Variants in ADAMTS4 observed in about 807,000 individuals in gnomAD.
The protein encoded by ADAMTS4 is ADAM metallopeptidase with thrombospondin type 1 motif 4, also known as A disintegrin and metalloproteinase with thrombospondin motifs 4.
Under a neutral mutation model 66.7 loss-of-function variants are expected in ADAMTS4, and 38 were observed. The observed-to-expected ratio is 0.57, with a 90% CI of 0.44 to 0.75. ADAMTS4 has a LOEUF of 0.75. Among genes scored for constraint, ADAMTS4 ranks in the 30% least tolerant of loss-of-function variants. ADAMTS4 has a pLI of 0.00. For missense variants in ADAMTS4, 1,014 were observed against 1,116.7 expected, an observed-to-expected ratio of 0.91 and a Z score of 1.31; for synonymous variants, 418 against 461.5, an observed-to-expected ratio of 0.91 and a Z score of 1.21.
In ADAMTS4 at chr1:161,191,376, A is replaced by C; in HGVS notation, c.2276T>G (p.Leu759Trp). 6.2e-7 allele frequency: 1 copy of C among 1,614,034 alleles called. No homozygotes were observed. The highest frequency in any genetic ancestry group is 1.3e-5 in the African/African-American group (1 of 75,076). Residue 759 changes from leucine to tryptophan, a missense_variant, in exon 9 of 9, where the codon TTG becomes TGG. Leu to Trp is a moderately conservative substitution (Grantham distance 61). Coordinates refer to ENST00000367996, the MANE Select transcript of ADAMTS4 (RefSeq NM_005099.6). ...GGCTGCAGTGGCCCCGCTGTAGCGC[A>C]AGCTGACTGCCCCAGGCAGTACCAC... ...TDVVLPGAVS[L>W]RYSGATAASE... is the part of the protein sequence containing the mutation.
At chr1:161,191,984 G>C in intron 8 of ADAMTS4, 81 bp downstream of exon 8, 1 of 1,484,834 alleles carries the variant, frequency 6.7e-7, no homozygotes, top group Non-Finnish European at 9.3e-7. Flanking sequence ...TTTGAGAGTG[G>C]AAACAGTGCT....
Position 161,191,411 on chromosome 1 carries a change from G to T in ADAMTS4, c.2241C>A (p.Ser747=). 6.2e-7 allele frequency: 1 copy of T among 1,614,132 alleles called. No homozygotes were observed. Among genetic ancestry groups the T allele is most frequent in the Middle Eastern group, 1.6e-4 (1 of 6,062 alleles). ...ALNGEYTLMP[S]PTDVVLPGAV... ...CCCCAGGCAGTACCACATCTGTGGG[G>T]GAGGGCATCAGCGTGTATTCACCAT... Residue 747 remains serine (S), a synonymous_variant, in exon 9 of 9, where the codon TCC becomes TCA. Coordinates refer to ENST00000367996, the MANE Select transcript of ADAMTS4 (RefSeq NM_005099.6).
At chr1:161,192,381 C>A in intron 7 of ADAMTS4, 141 bp from the exon 8 acceptor site, 1 of 662,202 alleles carries the variant, frequency 1.5e-6, no homozygotes. Context: ...TGGGTGAGTG[C>A]CGGCCACCAT....
rs116068231 is a variant in ADAMTS4 at position 161,191,249 on chromosome 1, G to A, written c.2403C>T (p.Phe801=). The A allele has an allele frequency of 7.4e-6, 12 of 1,613,666 alleles. No individual in the cohort carries two copies. The East Asian group carries it at 8.9e-5, about 12-fold the overall frequency. Residue 801 remains phenylalanine (F), a synonymous_variant, in exon 9 of 9, where the codon TTC becomes TTT. Coordinates refer to ENST00000367996, the MANE Select transcript of ADAMTS4 (RefSeq NM_005099.6). ...GCGTTGAAGGGGTCGGCCGGGGCAC[G>A]AAGAAGCTGTATCGGAGGCGTGTGT... ...PQDTRLRYSF[F]VPRPTPSTPR... is the part of the protein sequence containing the mutation.
chr1:161,191,915 T>C, intron 8 of ADAMTS4, 150 bp downstream of exon 8: 2 of 990,808 alleles, frequency 2.0e-6, no homozygotes, highest in South Asian at 1.6e-5. Flanking sequence ...TTCGGATGAA[T>C]ACATGGGAAA....
rs757234597 is a variant in ADAMTS4 at position 161,192,252 on chromosome 1, A to G, written c.1912-12T>C. On this transcript the variant is annotated splice_polypyrimidine_tract_variant and intron_variant, in intron 7 of 8. Coordinates refer to ENST00000367996, the MANE Select transcript of ADAMTS4 (RefSeq NM_005099.6). ...GTCCCATCTACCACCTGAGGAAAAGAGAAAGAACAATGCTGAAGGTTCCTC... is the reference window on the plus strand; with the variant it reads ...GTCCCATCTACCACCTGAGGAAAAGGGAAAGAACAATGCTGAAGGTTCCTC... 4 of 1,611,956 alleles carry G rather than the reference A, an allele frequency of 2.5e-6. No individual in the cohort carries two copies.
At position 161,187,025 on chromosome 1, in the gene ADAMTS4, A is replaced by T. The variant is rs1335639125; in HGVS notation, c.*4113T>A. On this transcript the variant is annotated 3_prime_UTR_variant, in exon 9 of 9. Coordinates refer to ENST00000367996, the MANE Select transcript of ADAMTS4 (RefSeq NM_005099.6). ...CAAAAAAAAAAGTGTATCTCCATGA[A>T]CATTAAAGGAAAGTGAGAAGGGCTA... 6 of 152,112 alleles carry T rather than the reference A, an allele frequency of 3.9e-5. No individual in the cohort carries two copies. Among genetic ancestry groups the T allele is most frequent in the African/African-American group, 1.4e-4 (6 of 41,416 alleles). 9.4% of individuals were successfully genotyped at this position (152,112 alleles called of 1,614,324 possible).
rs1418975064 is a variant in ADAMTS4 at position 161,191,343 on chromosome 1, G to A, written c.2309C>T (p.Thr770Ile). The change falls in exon 9 of 9, where the codon ACA (threonine) becomes ATA (isoleucine). Residue 770 changes from threonine to isoleucine, a missense_variant. Physicochemically the swap from Thr to Ile is moderately conservative, Grantham distance 89. Coordinates refer to ENST00000367996, the MANE Select transcript of ADAMTS4 (RefSeq NM_005099.6). ...RYSGATAASE[T>I]LSGHGPLAQP... ...GGCCAGTGGCCCATGGCCTGACAGT[G>A]TCTCTGAGGCTGCAGTGGCCCCGCT... 5 of 1,613,896 alleles carry A rather than the reference G, an allele frequency of 3.1e-6. No individual in the cohort carries two copies. Among genetic ancestry groups the A allele is most frequent in the African/African-American group, 2.7e-5 (2 of 74,956 alleles).
chr1:161,187,934 T>C lies in ADAMTS4; in HGVS notation c.*3204A>G, dbSNP rs1664572067. On this transcript the variant is annotated 3_prime_UTR_variant, in exon 9 of 9. Transcript: ENST00000367996. Reference sequence around the variant, plus strand: ...GTTCCATCCATGACACATAGAGGACTGCCCAAGTTCTTTTTTTTTTTTTTT... The same window carrying C: ...GTTCCATCCATGACACATAGAGGACCGCCCAAGTTCTTTTTTTTTTTTTTT... 1 of 149,684 alleles carries C rather than the reference T, an allele frequency of 6.7e-6. No homozygotes were observed. The highest frequency in any genetic ancestry group is 1.5e-5 in the Non-Finnish European group (1 of 68,682). The allele number at this position is 149,684 out of a possible 1,614,324, so 9.3% of individuals were successfully genotyped here.
chr1:161,197,125 C>T (rs1052505308), intron 1 of ADAMTS4: 10 of 489,026 alleles, frequency 2.0e-5, no homozygotes, highest in African/African-American at 7.9e-5. Context: ...GAGAAGGGGA[C>T]GCCACATCCC....
In ADAMTS4 at chr1:161,196,315, G is replaced by A. The variant is rs375784797; in HGVS notation, c.958-12C>T. 9 of 1,598,516 alleles carry A rather than the reference G, an allele frequency of 5.6e-6. No individual in the cohort carries two copies. The highest frequency in any genetic ancestry group is 5.4e-5 in the African/African-American group (4 of 74,260). On this transcript the variant is annotated splice_polypyrimidine_tract_variant and intron_variant, in intron 2 of 8. Transcript: ENST00000367996. ...ACTCCACACAGGTCCTGTGGAGAGG[G>A]ATCATAGAAGGTGCATAGACAGCCA...
intron 7 of ADAMTS4, 81 bp from the exon 8 acceptor site, chr1:161,192,321 A>G: frequency 3.6e-6 from 5 of 1,402,808 alleles, no homozygotes; most frequent in Non-Finnish European, 3.9e-6. Context: ...CCCATGTCCC[A>G]TCAGGGAAGC....
rs1393044920 is a variant in ADAMTS4, at chr1:161,198,552, G to A, written c.76C>T (p.Leu26Phe). ...WLWGAQPCLL[L>F]PIVPLSWLVW... ...AGCCAGGAGAGCGGCACAATGGGGA[G>A]CAGGAGGCAGGGTTGGGCTCCCCAC... The change falls in exon 1 of 9, where the codon CTC (leucine) becomes TTC (phenylalanine). Residue 26 changes from leucine (L) to phenylalanine (F), a missense_variant. Physicochemically the swap from Leu to Phe is conservative, Grantham distance 22. Transcript: ENST00000367996. This position sits in a 1 kb window ranked among gnomAD's most constrained non-coding sequence, Gnocchi z 4.7. 6.4e-7 allele frequency: 1 copy of A among 1,562,476 alleles called. No individual in the cohort carries two copies. Among genetic ancestry groups the A allele is most frequent in the Non-Finnish European group, 8.7e-7 (1 of 1,153,642 alleles).
Position 161,189,374 on chromosome 1 carries a change from A to T in ADAMTS4, c.*1764T>A, listed in dbSNP as rs1235509241. The T allele has an allele frequency of 6.6e-6, 1 of 152,164 alleles. No individual in the cohort carries two copies. Among genetic ancestry groups the T allele is most frequent in the East Asian group, 1.9e-4 (1 of 5,192 alleles). The allele number at this position is 152,164 out of a possible 1,614,324, so 9.4% of individuals were successfully genotyped here. A position where few individuals can be genotyped will look rare whatever the true frequency, so the allele number is the denominator to read the frequency against. ...CTCCAGTGCTCTTTCTACTGTTGTG[A>T]AACCCAGACCCCTCAACTATCACCC... On this transcript the variant is annotated 3_prime_UTR_variant, in exon 9 of 9. Transcript: ENST00000367996.
Position 161,194,003 on chromosome 1 carries a change from G to T in ADAMTS4, c.1480C>A (p.Pro494Thr). ...TKHSPWADGT[P>T]CGPAQACMGG... ...ATGCAGGCCTGTGCGGGCCCGCAGGGTGTGCCATCGGCCCAGGGCGAGTGT... is the reference window on the plus strand; with the variant it reads ...ATGCAGGCCTGTGCGGGCCCGCAGGTTGTGCCATCGGCCCAGGGCGAGTGT... The change falls in exon 5 of 9, where the codon CCC becomes ACC. Residue 494 changes from proline to threonine, a missense_variant. Physicochemically the swap from Pro to Thr is conservative, Grantham distance 38. Transcript: ENST00000367996. This position sits in a 1 kb window ranked among gnomAD's most constrained non-coding sequence, Gnocchi z 4.1. The T allele has an allele frequency of 6.2e-7, 1 of 1,613,038 alleles. No homozygotes were observed. The highest frequency in any genetic ancestry group is 8.5e-7 in the Non-Finnish European group (1 of 1,179,272).
chr1:161,198,787 G>A lies in ADAMTS4; in HGVS notation c.-160C>T, dbSNP rs912280719. On this transcript the variant is annotated 5_prime_UTR_variant, in exon 1 of 9. Transcript: ENST00000367996. This position sits in a 1 kb window ranked among gnomAD's most constrained non-coding sequence, Gnocchi z 4.7. ...GGGCTGAGGACCGTTAAAGGAAATGGAGAAAACTTAGTCCTTGGGCTTGGG... is the reference window on the plus strand; with the variant it reads ...GGGCTGAGGACCGTTAAAGGAAATGAAGAAAACTTAGTCCTTGGGCTTGGG... 3.9e-5 allele frequency: 26 copies of A among 660,188 alleles called. No individual in the cohort carries two copies. Among genetic ancestry groups the A allele is most frequent in the Non-Finnish European group, 5.6e-5 (23 of 412,202 alleles). The allele number at this position is 660,188 out of a possible 1,614,324, so 40.9% of individuals were successfully genotyped here.
rs4656992 is a variant in ADAMTS4 at position 161,190,850 on chromosome 1, C to T, written c.*288G>A. 1 of 357,408 alleles carries T rather than the reference C, an allele frequency of 2.8e-6. No homozygotes were observed. Among genetic ancestry groups the T allele is most frequent in the African/African-American group, 2.0e-5 (1 of 48,850 alleles). The allele number at this position is 357,408 out of a possible 1,614,324, so 22.1% of individuals were successfully genotyped here. A position where few individuals can be genotyped will look rare whatever the true frequency, so the allele number is the denominator to read the frequency against. On this transcript the variant is annotated 3_prime_UTR_variant, in exon 9 of 9. Coordinates refer to ENST00000367996, the MANE Select transcript of ADAMTS4 (RefSeq NM_005099.6). ...ATACTAAATAAATACAACTGGGGCC[C>T]AGGCCCTCCCTGCCTTCCCCCTCCC...
In ADAMTS4 at chr1:161,191,151, G is replaced by C. The variant is rs114600134; in HGVS notation, c.2501C>G (p.Ala834Gly). Reference protein sequence around the residue: ...ILEILRRRPWAGRK With the variant: ...ILEILRRRPWGGRK ...GGGATAGTGAGGTTATTTCCTGCCC[G>C]CCCAGGGGCGCCGCCGAAGGATCTC... is the stretch of plus-strand genomic sequence containing the variant. Residue 834 changes from alanine (A) to glycine (G), a missense_variant, in exon 9 of 9, where the codon GCG becomes GGG. Transcript: ENST00000367996. 1.0e-4 allele frequency: 161 copies of C among 1,555,678 alleles called. No homozygotes were observed. Among genetic ancestry groups the C allele is most frequent in the Admixed American group, 2.0e-4 (11 of 55,174 alleles).
Position 161,198,155 on chromosome 1 carries a change from G to GC in ADAMTS4, c.472dup (p.Ala158GlyfsTer2), listed in dbSNP as rs1558077955. The GC allele has an allele frequency of 3.1e-6, 5 of 1,613,996 alleles. No individual in the cohort carries two copies. ...CTCCAGGGGCTGGAGGTGGAGTTCA[G>GC]CCCCCCGATATTGTAACACGCCTAA... On this transcript the variant is annotated frameshift_variant, in exon 1 of 9. Coordinates refer to ENST00000367996, the MANE Select transcript of ADAMTS4 (RefSeq NM_005099.6). LOFTEE classifies it high-confidence loss of function. The surrounding 1 kb of genome is among the most constrained non-coding windows in gnomAD (Gnocchi z 4.7).
Sources: gnomAD v4.1 joint callset for allele counts on GRCh38, gnomAD v4.1.1 for gene constraint, Gnocchi (gnomAD v3.1) non-coding constraint, MANE v1.5 for transcripts, NCBI Gene and HGNC (gene_info 2026-07-23, HGNC 2026-07-21) for gene names.